IP6K2: variants seen among roughly 807,000 people sequenced by gnomAD.
IP6K2 encodes inositol hexakisphosphate kinase 2.
In IP6K2, 9 loss-of-function variants were observed where a neutral mutation model predicts 43.3. The observed-to-expected ratio is 0.21, with a 90% confidence interval of 0.13 to 0.36. The LOEUF (loss-of-function observed/expected upper bound fraction) is 0.36, where lower values mean the gene tolerates loss of function less well. Among genes scored for constraint, IP6K2 ranks in the 10% least tolerant of loss-of-function variants. The probability of loss-of-function intolerance (pLI) is 1.00; values close to 1 mark genes in which losing one functional copy is unlikely to be tolerated. For synonymous variants in IP6K2, 209 were observed against 202.4 expected (o/e 1.03, Z -0.28); for missense variants, 332 against 538.4 (o/e 0.62, Z 3.79).
At chr3:48,702,569 G>A (rs945459461) in intron 1 of IP6K2, among the ~76,000 whole-genome samples, 5 of 151,852 alleles carry the variant, frequency 3.3e-5, no homozygotes, top group African/African-American at 4.8e-5. Context: ...TCAGCCTCCT[G>A]AGCAGCTCTG....
At chr3:48,696,512 G>A (rs955365155) in intron 1 of IP6K2, among the ~76,000 whole-genome samples, 16 of 152,302 alleles carry the variant, frequency 1.1e-4, no homozygotes, top group East Asian at 9.6e-4. Context: ...GGGGCAATCA[G>A]AGCTCGCATC....
chr3:48,712,733 C>T (rs1031388026), intron 1 of IP6K2, among the ~76,000 whole-genome samples: 1 of 151,360 alleles, frequency 6.6e-6, no homozygotes, highest in Non-Finnish European at 1.5e-5. Context: ...TTTGTATGTG[C>T]AGGCCGGGCG....
intron 1 of IP6K2, among the ~76,000 whole-genome samples, chr3:48,696,550 G>A (rs1421669889): frequency 6.6e-6 from 1 of 152,080 alleles, no homozygotes; most frequent in African/African-American, 2.4e-5. Context: ...ACTGGATGCC[G>A]CATCAACGAA....
At chr3:48,691,878 T>C (rs1301016356) in intron 3 of IP6K2, among the ~76,000 whole-genome samples, 1 of 151,842 alleles carries the variant, frequency 6.6e-6, no homozygotes, top group African/African-American at 2.4e-5. Context: ...TGAGATGGAG[T>C]TTCGCTCTTA....
In IP6K2 at chr3:48,692,882, A is replaced by T. The variant is rs536188253; in HGVS notation, c.428+72T>A. 1.8e-5 allele frequency: 19 copies of T among 1,076,786 alleles called. No individual in the cohort carries two copies. In the African/African-American group the frequency reaches 2.5e-4, roughly 14 times the overall value. 66.7% of individuals were successfully genotyped at this position (1,076,786 alleles called of 1,614,324 possible). A position where few individuals can be genotyped will look rare whatever the true frequency, so the allele number is the denominator to read the frequency against. On this transcript the variant is annotated intron_variant, in intron 3 of 5. Coordinates refer to ENST00000328631, the MANE Select transcript of IP6K2 (RefSeq NM_016291.4). ...CCACTTCAGTCCTTAGCTCCAGGGA[A>T]CTGGGCTGTAACCAAAACCCCCAAC...
chr3:48,714,609 T>G (rs2080968729), intron 1 of IP6K2, among the ~76,000 whole-genome samples: 1 of 151,994 alleles, frequency 6.6e-6, no homozygotes, highest in Non-Finnish European at 1.5e-5. Flanking sequence ...GCCAGGCTGG[T>G]CTTGAACTCC....
At position 48,688,227 on chromosome 3, in the gene IP6K2, G is replaced by T. The variant is rs1340125100; in HGVS notation, c.*46C>A. 7 of 1,593,708 alleles carry T rather than the reference G, an allele frequency of 4.4e-6. No individual in the cohort carries two copies. The highest frequency in any genetic ancestry group is 1.7e-5 in the Admixed American group (1 of 59,378). On this transcript the variant is annotated 3_prime_UTR_variant, in exon 6 of 6. Transcript: ENST00000328631. The surrounding 1 kb of genome is among the most constrained non-coding windows in gnomAD (Gnocchi z 5.1). ...TTCCTCCCTGACGCAGCACAGCTGT[G>T]CCTGGGACACAGAGTCGCTCTCAAG... is the stretch of plus-strand genomic sequence containing the variant.
intron 1 of IP6K2, among the ~76,000 whole-genome samples, chr3:48,705,221 C>A (rs531709050): frequency 2.0e-5 from 3 of 152,162 alleles, no homozygotes; most frequent in Non-Finnish European, 2.9e-5. Flanking sequence ...GGATTACAGG[C>A]GTGAATCACC....
At chr3:48,692,075 C>T (rs895094282) in intron 3 of IP6K2, among the ~76,000 whole-genome samples, 4 of 152,062 alleles carry the variant, frequency 2.6e-5, no homozygotes, top group African/African-American at 7.2e-5. Context: ...TCAGGTGATC[C>T]GCCCGCCCTG....
chr3:48,695,706 A>C lies in IP6K2; in HGVS notation c.-130-285T>G. 1 of 322,256 alleles carries C rather than the reference A, an allele frequency of 3.1e-6. No individual in the cohort carries two copies. The highest frequency in any genetic ancestry group is 4.9e-5 in the Admixed American group (1 of 20,308). The allele number at this position is 322,256 out of a possible 1,614,324, so 20.0% of individuals were successfully genotyped here. A position where few individuals can be genotyped will look rare whatever the true frequency, so the allele number is the denominator to read the frequency against. On this transcript the variant is annotated intron_variant, in intron 1 of 5. Coordinates refer to ENST00000328631, the MANE Select transcript of IP6K2 (RefSeq NM_016291.4). This position sits in a 1 kb window ranked among gnomAD's most constrained non-coding sequence, Gnocchi z 4.6. ...TTAGAAAGCCACTGCCGCAGGCAAAACTGATGCCATGGTGAGGTGAAATCA... is the reference window on the plus strand; with the variant it reads ...TTAGAAAGCCACTGCCGCAGGCAAACCTGATGCCATGGTGAGGTGAAATCA...
rs950934848 is a variant in IP6K2 at position 48,695,455 on chromosome 3, G to A, written c.-130-34C>T. 2.8e-6 allele frequency: 4 copies of A among 1,404,264 alleles called. No individual in the cohort carries two copies. Among genetic ancestry groups the A allele is most frequent in the African/African-American group, 1.4e-5 (1 of 69,492 alleles). 87.0% of individuals were successfully genotyped at this position (1,404,264 alleles called of 1,614,324 possible). A position where few individuals can be genotyped will look rare whatever the true frequency, so the allele number is the denominator to read the frequency against. ...AAACAAAATGATGACATGGGGGTTC[G>A]AAGTAGCGTGGGAAGTGCCTTAGAG... On this transcript the variant is annotated intron_variant, in intron 1 of 5. Coordinates refer to ENST00000328631, the MANE Select transcript of IP6K2 (RefSeq NM_016291.4). The surrounding 1 kb of genome is among the most constrained non-coding windows in gnomAD (Gnocchi z 4.6).
chr3:48,710,529 G>A (rs958041398), intron 1 of IP6K2, among the ~76,000 whole-genome samples: 5 of 152,216 alleles, frequency 3.3e-5, no homozygotes, highest in Admixed American at 3.3e-4. Context: ...CGGTCTTTGA[G>A]CGTGAGATAA....
chr3:48,693,659 G>A, intron 2 of IP6K2: 1 of 1,093,490 alleles, frequency 9.1e-7, no homozygotes, highest in Non-Finnish European at 1.1e-6. Flanking sequence ...AGGGAAGACT[G>A]GGTAAGCAAA....
chr3:48,707,560 A>G (rs888263917), intron 1 of IP6K2, among the ~76,000 whole-genome samples: 5 of 152,140 alleles, frequency 3.3e-5, no homozygotes, highest in Admixed American at 2.6e-4. Flanking sequence ...TCAGACTTCC[A>G]AGTAGCTGGG....
intron 3 of IP6K2, among the ~76,000 whole-genome samples, chr3:48,691,803 AAAAT>A (rs34837885): frequency 0.049 from 7,443 of 150,490 alleles, 415 homozygotes; most frequent in African/African-American, 0.13. Context: ...AAAGACTCAA[AAAAT>A]AAATAAATAA....
At chr3:48,706,107 T>C (rs1409413776) in intron 1 of IP6K2, among the ~76,000 whole-genome samples, 1 of 151,942 alleles carries the variant, frequency 6.6e-6, no homozygotes, top group Non-Finnish European at 1.5e-5. Flanking sequence ...CTCTGGAGGC[T>C]GAGGCAGGAG....
chr3:48,701,119 T>C (rs1448471443), intron 1 of IP6K2, among the ~76,000 whole-genome samples: 2 of 152,088 alleles, frequency 1.3e-5, no homozygotes, highest in African/African-American at 4.8e-5. Flanking sequence ...CCTGTAGTCC[T>C]GGCACTTTGG....
chr3:48,704,156 T>C (rs937492918), intron 1 of IP6K2, among the ~76,000 whole-genome samples: 1 of 151,966 alleles, frequency 6.6e-6, no homozygotes, highest in African/African-American at 2.4e-5. Context: ...TTTAGTAAAA[T>C]AAAGCCAGGA....
intron 2 of IP6K2, chr3:48,694,577 G>A (rs1224841869): frequency 5.2e-6 from 8 of 1,524,656 alleles, no homozygotes; most frequent in Non-Finnish European, 7.0e-6. Context: ...GTGAATCGAA[G>A]GGTTGCTTTC....
Sources: gnomAD v4.1 joint callset for allele counts (sites outside exome capture counted in the v4.1 genomes callset) on GRCh38, gnomAD v4.1.1 for gene constraint, Gnocchi (gnomAD v3.1) non-coding constraint, MANE v1.5 for transcripts, NCBI Gene and HGNC (gene_info 2026-07-23, HGNC 2026-07-21) for gene names.